The following MCRS1 variants were observed in gnomAD, a reference collection of about 807,000 sequenced individuals.
MCRS1 encodes the protein microspherule protein 1, also known as 58 kDa microspherule protein.
MCRS1 carries 22 observed loss-of-function variants against 62.9 expected under a neutral mutation model. That is an observed-to-expected ratio of 0.35 (90% confidence interval 0.25 to 0.50). The LOEUF (loss-of-function observed/expected upper bound fraction) is 0.50. Ranked by LOEUF, MCRS1 falls within the 20% of genes least tolerant of loss-of-function variation. The pLI, the probability that MCRS1 is intolerant of heterozygous loss-of-function variation, is 0.98. For missense variants in MCRS1, 456 were observed against 601.1 expected (o/e 0.76, Z 2.52); for synonymous variants, 244 against 233.5 (o/e 1.04, Z -0.41).
At position 49,566,040 on chromosome 12, in the gene MCRS1, C is replaced by T. The variant is rs767234125; in HGVS notation, c.149+37G>A. ...GGCACTTAACGCCACAGACCTTCTA[C>T]CCTTTCCCAGTTCCTGGCCCTCCGA... On this transcript the variant is annotated intron_variant, in intron 3 of 14. Coordinates refer to ENST00000343810, the MANE Select transcript of MCRS1 (RefSeq NM_006337.5). 4 of 1,600,610 alleles carry T rather than the reference C, an allele frequency of 2.5e-6. No homozygotes were observed. The African/African-American group carries it at 5.4e-5, about 21-fold the overall frequency.
intron 8 of MCRS1, among the ~76,000 whole-genome samples, chr12:49,562,492 C>A (rs990514300): frequency 6.6e-6 from 1 of 152,094 alleles, no homozygotes; most frequent in African/African-American, 2.4e-5. Flanking sequence ...GGCCTGAGGG[C>A]AGCTTGACAG....
intron 8 of MCRS1, among the ~76,000 whole-genome samples, chr12:49,561,624 C>T (rs1254997518): frequency 6.6e-6 from 1 of 152,156 alleles, no homozygotes; most frequent in Non-Finnish European, 1.5e-5. Flanking sequence ...CACAAAATAA[C>T]TTTCTTTTCT....
intron 9 of MCRS1, 119 bp downstream of exon 9, chr12:49,560,176 G>A (rs1181769617): frequency 4.8e-6 from 6 of 1,260,824 alleles, no homozygotes; most frequent in Non-Finnish European, 5.8e-6. Flanking sequence ...AGGGGGCTCA[G>A]CCAGGGGGGG....
chr12:49,561,922 T>C (rs184086363), intron 8 of MCRS1, among the ~76,000 whole-genome samples: 2 of 152,352 alleles, frequency 1.3e-5, no homozygotes, highest in Admixed American at 1.3e-4. Flanking sequence ...CTGGCATAAC[T>C]TTTAAAATAG....
rs1565787966 is a variant in MCRS1, at chr12:49,559,608, T to A, written c.1004-73A>T. The A allele has an allele frequency of 6.3e-7, 1 of 1,595,416 alleles. No individual in the cohort carries two copies. Among genetic ancestry groups the A allele is most frequent in the East Asian group, 2.2e-5 (1 of 44,738 alleles). On this transcript the variant is annotated intron_variant, in intron 11 of 14. Transcript: ENST00000343810. This position sits in a 1 kb window ranked among gnomAD's most constrained non-coding sequence, Gnocchi z 5.2. ...GCAAGGCAGGGAACCAGGGCAAGGT[T>A]TATAAGGGAAGGGGGTCGGGGCCTG...
At chr12:49,561,684 C>T (rs950579894) in intron 8 of MCRS1, among the ~76,000 whole-genome samples, 6 of 152,208 alleles carry the variant, frequency 3.9e-5, no homozygotes, top group African/African-American at 1.2e-4. Flanking sequence ...AGCTGGAGTG[C>T]AGTAGCGCGA....
chr12:49,559,239 C>T lies in MCRS1; in HGVS notation c.1149G>A (p.Pro383=), dbSNP rs759111585. The change falls in exon 13 of 15, where the codon CCG becomes CCA. Residue 383 remains proline, a synonymous_variant. Coordinates refer to ENST00000343810, the MANE Select transcript of MCRS1 (RefSeq NM_006337.5). The surrounding 1 kb of genome is among the most constrained non-coding windows in gnomAD (Gnocchi z 5.2). The part of the protein sequence containing the change: ...QIDVDLSLEG[P]AWKISRKQGV... ...CTTGTTTCCGGGATATCTTCCAGGC[C>T]GGACCCTCCAGAGACAGGTCCACAT... 7.4e-6 allele frequency: 12 copies of T among 1,613,970 alleles called. No individual in the cohort carries two copies. The East Asian group carries it at 8.9e-5, about 12-fold the overall frequency.
Position 49,564,845 on chromosome 12 carries a change from A to T in MCRS1, c.339T>A (p.Pro113=). 1 of 1,613,754 alleles carries T rather than the reference A, an allele frequency of 6.2e-7. No homozygotes were observed. ...TPVPPSPAPA[P]GLTKRVKKSK... is the part of the protein sequence containing the mutation. ...TCTTCTTCACACGCTTGGTGAGTCCAGGGGCTGGGGCTGGGCTGGGTGGCA... is the reference window on the plus strand; with the variant it reads ...TCTTCTTCACACGCTTGGTGAGTCCTGGGGCTGGGGCTGGGCTGGGTGGCA... The change falls in exon 5 of 15, where the codon CCT becomes CCA. Residue 113 remains proline, a synonymous_variant. Transcript: ENST00000343810.
At chr12:49,562,027 G>A (rs1938796678) in intron 8 of MCRS1, among the ~76,000 whole-genome samples, 2 of 152,184 alleles carry the variant, frequency 1.3e-5, no homozygotes, top group African/African-American at 2.4e-5. Flanking sequence ...GTCTGAGGAA[G>A]AGGCAGAATT....
Position 49,558,529 on chromosome 12 carries a change from C to T in MCRS1, c.*114G>A. On this transcript the variant is annotated 3_prime_UTR_variant, in exon 15 of 15. Coordinates refer to ENST00000343810, the MANE Select transcript of MCRS1 (RefSeq NM_006337.5). ...CTCAAAGGCTCAAATCAATGGCCCG[C>T]AGCTGAGCCTCCCACTGCCCAGGTT... The T allele has an allele frequency of 9.4e-7, 1 of 1,068,036 alleles. No homozygotes were observed. The highest frequency in any genetic ancestry group is 1.4e-6 in the Non-Finnish European group (1 of 732,048). 66.2% of individuals were successfully genotyped at this position (1,068,036 alleles called of 1,614,324 possible).
chr12:49,567,090 G>C (rs1361715861), intron 1 of MCRS1, among the ~76,000 whole-genome samples: 1 of 152,146 alleles, frequency 6.6e-6, no homozygotes, highest in African/African-American at 2.4e-5. Flanking sequence ...ATTTTAGAGG[G>C]TTCATAGACC....
chr12:49,565,003 C>T, intron 4 of MCRS1, 108 bp from the exon 5 acceptor site: 1 of 1,447,914 alleles, frequency 6.9e-7, no homozygotes, highest in Non-Finnish European at 9.1e-7. Context: ...CCAGCCCCAG[C>T]CTCAGCACCA....
rs188085248 is a variant in MCRS1, at chr12:49,563,587, G to A, written c.558-41C>T. ...GACAGAGGGGAGGGGTGAAGGAAAG[G>A]TGTCAAGCAATCTGGGGTTCCTACT... On this transcript the variant is annotated intron_variant, in intron 6 of 14. Coordinates refer to ENST00000343810, the MANE Select transcript of MCRS1 (RefSeq NM_006337.5). 5 of 1,491,286 alleles carry A rather than the reference G, an allele frequency of 3.4e-6. No homozygotes were observed. The East Asian group carries it at 9.1e-5, about 27-fold the overall frequency. 92.4% of individuals were successfully genotyped at this position (1,491,286 alleles called of 1,614,324 possible).
In MCRS1 at chr12:49,559,643, G is replaced by A. The variant is rs1159411835; in HGVS notation, c.1003+86C>T. The A allele has an allele frequency of 1.9e-6, 3 of 1,585,852 alleles. No individual in the cohort carries two copies. The East Asian group carries it at 6.7e-5, about 36-fold the overall frequency. ...AGGGGGTCGGGGCCTGGGAAACGAG[G>A]GTCTCCCCAGCCAGGCAGCAACAGG... On this transcript the variant is annotated intron_variant, in intron 11 of 14. Transcript: ENST00000343810. This position sits in a 1 kb window ranked among gnomAD's most constrained non-coding sequence, Gnocchi z 5.2.
At chr12:49,565,106 A>G (rs1340279984) in intron 4 of MCRS1, 8 of 985,294 alleles carry the variant, frequency 8.1e-6, no homozygotes, top group Non-Finnish European at 9.6e-6. Flanking sequence ...GTCCTTGACC[A>G]TACGGGGTCT....
At position 49,559,038 on chromosome 12, in the gene MCRS1, A is replaced by G. The variant is rs986626687; in HGVS notation, c.1175-68T>C. On this transcript the variant is annotated intron_variant, in intron 13 of 14. Transcript: ENST00000343810. This position sits in a 1 kb window ranked among gnomAD's most constrained non-coding sequence, Gnocchi z 5.2. ...GATTGATGGGATGGGGAAAGGCCAG[A>G]GAGAGCCAGGAGCTTCCATGGACCA... 24 of 1,598,174 alleles carry G rather than the reference A, an allele frequency of 1.5e-5. No homozygotes were observed. The highest frequency in any genetic ancestry group is 1.9e-5 in the Non-Finnish European group (22 of 1,170,974).
intron 4 of MCRS1, 115 bp from the exon 5 acceptor site, chr12:49,565,010 A>T: frequency 6.9e-7 from 1 of 1,440,744 alleles, no homozygotes; most frequent in Non-Finnish European, 9.1e-7. Flanking sequence ...CAGCCTCAGC[A>T]CCAACTCCAG....
chr12:49,564,728 G>T lies in MCRS1; in HGVS notation c.447+9C>A, dbSNP rs370265546. The T allele has an allele frequency of 1.2e-6, 2 of 1,607,288 alleles. No homozygotes were observed. Among genetic ancestry groups the T allele is most frequent in the African/African-American group, 2.7e-5 (2 of 74,834 alleles). Reference sequence around the variant, plus strand: ...AAGGGGCACACTGAGCCTATGGTGGGGGCACTACCTGCAACACAGCATTTA... The same window carrying T: ...AAGGGGCACACTGAGCCTATGGTGGTGGCACTACCTGCAACACAGCATTTA... On this transcript the variant is annotated intron_variant, in intron 5 of 14. Transcript: ENST00000343810.
intron 4 of MCRS1, 175 bp from the exon 5 acceptor site, chr12:49,565,070 C>A (rs982367061): frequency 1.0e-6 from 1 of 985,258 alleles, no homozygotes; most frequent in African/African-American, 1.7e-5. Context: ...ATACCCACCC[C>A]CATCCCACCA....
Sources: gnomAD v4.1 joint callset for allele counts (sites outside exome capture counted in the v4.1 genomes callset) on GRCh38, gnomAD v4.1.1 for gene constraint, Gnocchi (gnomAD v3.1) non-coding constraint, MANE v1.5 for transcripts, NCBI Gene and HGNC (gene_info 2026-07-23, HGNC 2026-07-21) for gene names.